PEBP4: variants seen among roughly 807,000 people sequenced by gnomAD.
The protein encoded by PEBP4 is phosphatidylethanolamine-binding protein 4.
A neutral mutation model predicts 23.9 loss-of-function variants in PEBP4; 22 were observed. The ratio of observed to expected loss-of-function variants is 0.92; its 90% confidence interval spans 0.66 to 1.31. The LOEUF (loss-of-function observed/expected upper bound fraction) is 1.31. PEBP4 is among the 40% of genes most tolerant of loss of function. The probability of loss-of-function intolerance (pLI) is 0.00; values close to 1 mark genes in which losing one functional copy is unlikely to be tolerated. For synonymous variants in PEBP4, 112 were observed against 99.3 expected (o/e 1.13, Z -0.76); for missense variants, 324 against 281.7 (o/e 1.15, Z -1.07).
chr8:22,778,381 T>G (rs966662898), intron 4 of PEBP4, among the ~76,000 whole-genome samples: 2 of 151,488 alleles, frequency 1.3e-5, no homozygotes, highest in African/African-American at 2.4e-5. Context: ...AGACAGAGCT[T>G]GAACTTTTTT....
chr8:22,756,040 T>A (rs1038117301), intron 4 of PEBP4: 2 of 152,388 alleles, frequency 1.3e-5, no homozygotes, highest in South Asian at 2.1e-4. Flanking sequence ...ATAATAATCA[T>A]TATAATGATG....
chr8:22,786,079 T>C lies in PEBP4; in HGVS notation c.357+31558A>G, dbSNP rs1262555845. ...CATGGAGTAGAAACTGAATACATCC[T>C]GGCTGTCTTTCCCTTCCTCCTATCC... On this transcript the variant is annotated intron_variant, in intron 4 of 6. Transcript: ENST00000256404. Among the ~76,000 whole-genome samples, 6 of 152,242 alleles carry C rather than the reference T, an allele frequency of 3.9e-5. No individual in the cohort carries two copies. The East Asian group carries it at 1.2e-3, about 29-fold the overall frequency.
At chr8:22,752,817 G>C (rs1805297663) in intron 4 of PEBP4, among the ~76,000 whole-genome samples, 1 of 152,208 alleles carries the variant, frequency 6.6e-6, no homozygotes, top group South Asian at 2.1e-4. Context: ...AAGGGAAGAG[G>C]TCGTCATCTT....
At chr8:22,872,229 G>A (rs755780670) in intron 3 of PEBP4, among the ~76,000 whole-genome samples, 1 of 152,178 alleles carries the variant, frequency 6.6e-6, no homozygotes, top group Non-Finnish European at 1.5e-5. Flanking sequence ...GAAAATGGTG[G>A]AGTCAGGATT....
chr8:22,757,528 C>T (rs185170446), intron 4 of PEBP4: 7 of 152,326 alleles, frequency 4.6e-5, no homozygotes, highest in Admixed American at 3.9e-4. Context: ...GGATCGTTAA[C>T]TCTGCTTCCT....
chr8:22,926,438 G>C (rs2954161), intron 2 of PEBP4, among the ~76,000 whole-genome samples: 1 of 151,792 alleles, frequency 6.6e-6, no homozygotes, highest in Non-Finnish European at 1.5e-5. Flanking sequence ...TTGACCTCCT[G>C]GGTTTAAGCG....
chr8:22,873,822 T>C (rs760135419), intron 3 of PEBP4, among the ~76,000 whole-genome samples: 3 of 151,748 alleles, frequency 2.0e-5, no homozygotes, highest in Non-Finnish European at 4.4e-5. Flanking sequence ...GATCGGGAGG[T>C]CGGGGGGAGT....
chr8:22,739,030 A>G (rs1175430219), intron 4 of PEBP4, among the ~76,000 whole-genome samples: 1 of 152,144 alleles, frequency 6.6e-6, no homozygotes, highest in Non-Finnish European at 1.5e-5. Flanking sequence ...AGGGTGTGGG[A>G]ATCTCCAGGC....
Position 22,724,938 on chromosome 8 carries a change from GGGGA to G in PEBP4, c.418_421del (p.Ser140HisfsTer41). ...GCGATGGAAGCCACTGTGTGCCGGTGGGGAGGGAGCCTGGTAGGCTATAGGTAGA... is the reference window on the plus strand; with the variant it reads ...GCGATGGAAGCCACTGTGTGCCGGTGGGGAGCCTGGTAGGCTATAGGTAGA... On this transcript the variant is annotated frameshift_variant, in exon 6 of 7. Coordinates refer to ENST00000256404, the MANE Select transcript of PEBP4 (RefSeq NM_144962.3). LOFTEE classifies it high-confidence loss of function. The G allele has an allele frequency of 6.2e-7, 1 of 1,613,950 alleles. No individual in the cohort carries two copies. Among genetic ancestry groups the G allele is most frequent in the Non-Finnish European group, 8.5e-7 (1 of 1,179,882 alleles).
intron 4 of PEBP4, among the ~76,000 whole-genome samples, chr8:22,807,812 T>C (rs1020709855): frequency 3.3e-5 from 5 of 151,966 alleles, no homozygotes; most frequent in African/African-American, 1.2e-4. Flanking sequence ...CATTTATCCA[T>C]CCATCCATCT....
At chr8:22,874,461 C>T (rs1403299367) in intron 3 of PEBP4, among the ~76,000 whole-genome samples, 1 of 152,132 alleles carries the variant, frequency 6.6e-6, no homozygotes, top group Non-Finnish European at 1.5e-5. Context: ...TAGTTATAAA[C>T]TTGCTGTGGG....
intron 6 of PEBP4, among the ~76,000 whole-genome samples, chr8:22,721,338 G>A (rs1213431584): frequency 6.6e-6 from 1 of 152,146 alleles, no homozygotes; most frequent in Non-Finnish European, 1.5e-5. Context: ...CAAACGATCA[G>A]AGTCGGGACA....
At chr8:22,820,544 G>A (rs1023167542) in intron 3 of PEBP4, among the ~76,000 whole-genome samples, 2 of 152,194 alleles carry the variant, frequency 1.3e-5, no homozygotes, top group Non-Finnish European at 2.9e-5. Context: ...TTAAGCAGAG[G>A]AGCATTTATC....
At chr8:22,721,939 A>G (rs571175708) in intron 6 of PEBP4, among the ~76,000 whole-genome samples, 9 of 152,160 alleles carry the variant, frequency 5.9e-5, no homozygotes, top group South Asian at 2.1e-4. Context: ...TGCTTTTGCA[A>G]TCGCCCCTGG....
chr8:22,931,451 T>A (rs1809455391), upstream of PEBP4, among the ~76,000 whole-genome samples: 2 of 152,162 alleles, frequency 1.3e-5, no homozygotes, highest in African/African-American at 4.8e-5. Flanking sequence ...TGAATTTGCC[T>A]ATTTTGGATG....
At chr8:22,813,140 T>C (rs1806667935) in intron 4 of PEBP4, among the ~76,000 whole-genome samples, 2 of 152,190 alleles carry the variant, frequency 1.3e-5, no homozygotes, top group Non-Finnish European at 1.5e-5. Flanking sequence ...CCTCTAATTA[T>C]GGAAAAATTT....
In PEBP4 at chr8:22,775,447, C is replaced by T. The variant is rs536646535; in HGVS notation, c.357+42190G>A. On this transcript the variant is annotated intron_variant, in intron 4 of 6. Transcript: ENST00000256404. This position sits in a 1 kb window ranked among gnomAD's most constrained non-coding sequence, Gnocchi z 4.8. ...CTTTACAACCATGCCGGGAGGGGTG[C>T]GCAGGGGCCCGTGGGTGGTGTTCAC... Among the ~76,000 whole-genome samples, 6 of 151,988 alleles carry T rather than the reference C, an allele frequency of 3.9e-5. No homozygotes were observed. Among genetic ancestry groups the T allele is most frequent in the South Asian group, 2.1e-4 (1 of 4,796 alleles).
intron 4 of PEBP4, among the ~76,000 whole-genome samples, chr8:22,782,764 G>A (rs543322405): frequency 3.3e-5 from 5 of 152,294 alleles, no homozygotes; most frequent in East Asian, 1.9e-4. Flanking sequence ...GTTAAGGACC[G>A]TTTTATCAGC....
At chr8:22,858,384 CCTT>C (rs1440271833) in intron 3 of PEBP4, among the ~76,000 whole-genome samples, 2 of 152,192 alleles carry the variant, frequency 1.3e-5, no homozygotes, top group Non-Finnish European at 2.9e-5. Flanking sequence ...ATGAGAATTT[CCTT>C]CTTCTCTTTT....
Sources: gnomAD v4.1 joint callset for allele counts (sites outside exome capture counted in the v4.1 genomes callset) on GRCh38, gnomAD v4.1.1 for gene constraint, Gnocchi (gnomAD v3.1) non-coding constraint, MANE v1.5 for transcripts, NCBI Gene and HGNC (gene_info 2026-07-23, HGNC 2026-07-21) for gene names.